The following ANTXR1 variants were observed in gnomAD, a reference collection of about 807,000 sequenced individuals.
ANTXR1 encodes ANTXR cell adhesion molecule 1, also known as anthrax toxin receptor 1.
In ANTXR1, 19 loss-of-function variants were observed where a neutral mutation model predicts 78.1. The ratio of observed to expected loss-of-function variants is 0.24; its 90% CI spans 0.17 to 0.36. The LOEUF (loss-of-function observed/expected upper bound fraction) is 0.36, where lower values mean the gene tolerates loss of function less well. Among genes scored for constraint, ANTXR1 ranks in the 10% least tolerant of loss-of-function variants. ANTXR1 has a pLI of 1.00. For missense variants in ANTXR1, 518 were observed against 718.6 expected (o/e 0.72, Z 3.19); for synonymous variants, 273 against 260.5 (o/e 1.05, Z -0.46).
intron 17 of ANTXR1, among the ~76,000 whole-genome samples, chr2:69,237,774 T>C (rs567112451): frequency 1.4e-4 from 21 of 152,318 alleles, no homozygotes; most frequent in African/African-American, 5.1e-4. Flanking sequence ...TATATACAGG[T>C]ATACATACAT....
chr2:69,134,729 T>C (rs891805756), intron 12 of ANTXR1, among the ~76,000 whole-genome samples: 2 of 152,182 alleles, frequency 1.3e-5, no homozygotes, highest in Non-Finnish European at 2.9e-5. Context: ...GGAGACAACT[T>C]CTCTTAGTGC....
At position 69,246,268 on chromosome 2, in the gene ANTXR1, T is replaced by TGGC; in HGVS notation, c.*783_*784insGGC. The TGGC allele has an allele frequency of 6.6e-6, 1 of 152,304 alleles. No individual in the cohort carries two copies. 9.4% of individuals were successfully genotyped at this position (152,304 alleles called of 1,614,324 possible). ...CATCAGCAGCTAGAGGTGGCTGGCT[T>TGGC]TGGCCAGACATGGACCCTAAATCAA... On this transcript the variant is annotated 3_prime_UTR_variant, in exon 18 of 18. Coordinates refer to ENST00000303714, the MANE Select transcript of ANTXR1 (RefSeq NM_032208.3).
At chr2:69,080,219 T>C (rs933123923) in intron 8 of ANTXR1, among the ~76,000 whole-genome samples, 2 of 152,190 alleles carry the variant, frequency 1.3e-5, no homozygotes, top group Admixed American at 6.5e-5. Flanking sequence ...AGCGAGCTCA[T>C]CTTTCTTAAA....
At chr2:69,224,044 A>T (rs1416283277) in intron 17 of ANTXR1, among the ~76,000 whole-genome samples, 1 of 152,224 alleles carries the variant, frequency 6.6e-6, no homozygotes, top group Admixed American at 6.5e-5. Flanking sequence ...AGGGCCCCTG[A>T]GTAGCATTTA....
In ANTXR1 at chr2:69,217,682, CTTAT is replaced by C. The variant is rs141652113; in HGVS notation, c.1434+24269_1434+24272del. Among the ~76,000 whole-genome samples the C allele has an allele frequency of 8.7e-3, 1,329 of 152,266 alleles. 36 individuals carry two copies. The East Asian group carries it at 0.096, about 11-fold the overall frequency. On this transcript the variant is annotated intron_variant, in intron 17 of 17. Transcript: ENST00000303714. ...ATTGTTATTATTAAAAGAAAATACCCTTATTAATTAACTACTGCAAGTCAGGGGT... is the reference window on the plus strand; with the variant it reads ...ATTGTTATTATTAAAAGAAAATACCCTAATTAACTACTGCAAGTCAGGGGT...
chr2:69,180,556 A>C (rs1026607058), intron 14 of ANTXR1, among the ~76,000 whole-genome samples: 2 of 152,162 alleles, frequency 1.3e-5, no homozygotes, highest in African/African-American at 4.8e-5. Context: ...ATAAACACTA[A>C]CTTCTTGTCA....
At chr2:69,176,438 C>T (rs1674119970) in intron 14 of ANTXR1, among the ~76,000 whole-genome samples, 1 of 152,188 alleles carries the variant, frequency 6.6e-6, no homozygotes, top group Non-Finnish European at 1.5e-5. Context: ...GAGGGGATCT[C>T]CCTGACTTCT....
At chr2:69,140,413 T>C (rs1462595804) in intron 12 of ANTXR1, among the ~76,000 whole-genome samples, 1 of 152,242 alleles carries the variant, frequency 6.6e-6, no homozygotes, top group Non-Finnish European at 1.5e-5. Flanking sequence ...CCAAATATAT[T>C]CTGCACTCTT....
intron 17 of ANTXR1, among the ~76,000 whole-genome samples, chr2:69,203,305 G>A (rs930537104): frequency 1.3e-5 from 2 of 152,200 alleles, no homozygotes; most frequent in South Asian, 2.1e-4. Flanking sequence ...TTCCCTGGAT[G>A]TTTGAATTCT....
chr2:69,149,695 C>T (rs1673339532), intron 12 of ANTXR1, among the ~76,000 whole-genome samples: 1 of 152,130 alleles, frequency 6.6e-6, no homozygotes, highest in African/African-American at 2.4e-5. Context: ...AGAGGGAGAG[C>T]GAGTTCCAGC....
At chr2:69,190,545 A>AAT (rs1674522104) in intron 16 of ANTXR1, among the ~76,000 whole-genome samples, 1 of 152,334 alleles carries the variant, frequency 6.6e-6, no homozygotes, top group African/African-American at 2.4e-5. Flanking sequence ...ACCTAACTTC[A>AAT]ATATTTAATT....
intron 10 of ANTXR1, among the ~76,000 whole-genome samples, chr2:69,119,171 AGAG>A (rs1478812224): frequency 1.3e-5 from 2 of 152,124 alleles, no homozygotes; most frequent in African/African-American, 4.8e-5. Flanking sequence ...GAGGAAGGAG[AGAG>A]GAGTTGTCCA....
intron 10 of ANTXR1, among the ~76,000 whole-genome samples, chr2:69,119,061 G>A (rs1015468549): frequency 1.3e-5 from 2 of 151,914 alleles, no homozygotes; most frequent in African/African-American, 4.8e-5. Flanking sequence ...GAAATATTTG[G>A]TCTCCCAAGC....
At chr2:69,235,749 C>G (rs1463160370) in intron 17 of ANTXR1, among the ~76,000 whole-genome samples, 1 of 136,572 alleles carries the variant, frequency 7.3e-6, no homozygotes, top group East Asian at 2.1e-4. Flanking sequence ...AAAATACCAT[C>G]AGTAAAATTT....
chr2:69,094,759 G>A (rs1671345162), intron 9 of ANTXR1, among the ~76,000 whole-genome samples: 1 of 152,174 alleles, frequency 6.6e-6, no homozygotes, highest in South Asian at 2.1e-4. Context: ...TGACAACAAA[G>A]CCAAAATCTA....
chr2:69,158,608 G>A (rs1292983924), intron 13 of ANTXR1, among the ~76,000 whole-genome samples: 1 of 152,202 alleles, frequency 6.6e-6, no homozygotes, highest in African/African-American at 2.4e-5. Flanking sequence ...TCAATAGAAA[G>A]CATACTTCAA....
chr2:69,207,521 G>T (rs992260069), intron 17 of ANTXR1, among the ~76,000 whole-genome samples: 7 of 152,318 alleles, frequency 4.6e-5, no homozygotes, highest in African/African-American at 1.7e-4. Flanking sequence ...ATGTAGTAAA[G>T]CATCTGTGGA....
intron 13 of ANTXR1, among the ~76,000 whole-genome samples, chr2:69,168,065 C>T (rs1441629703): frequency 6.6e-6 from 1 of 152,186 alleles, no homozygotes; most frequent in Non-Finnish European, 1.5e-5. Flanking sequence ...CTACTGACTC[C>T]CCCAAAACCC....
chr2:69,135,631 T>C (rs1374530735), intron 12 of ANTXR1, among the ~76,000 whole-genome samples: 1 of 152,114 alleles, frequency 6.6e-6, no homozygotes, highest in Non-Finnish European at 1.5e-5. Context: ...CAAAAAATTA[T>C]CGGTCTAAAG....
Sources: allele counts gnomAD v4.1 joint callset (sites outside exome capture counted in the v4.1 genomes callset), GRCh38; gene constraint gnomAD v4.1.1; transcripts MANE v1.5; gene names NCBI Gene and HGNC (gene_info 2026-07-23, HGNC 2026-07-21).